DHX29: variants seen among roughly 807,000 people sequenced by gnomAD.
DHX29 encodes the protein ATP-dependent RNA helicase DHX29.
DHX29 carries 79 observed loss-of-function variants against 167.9 expected under a neutral mutation model. That is an observed-to-expected ratio of 0.47 (90% CI 0.39 to 0.57). The LOEUF (loss-of-function observed/expected upper bound fraction) is 0.57, where lower values mean the gene tolerates loss of function less well. Among genes scored for constraint, DHX29 ranks in the 20% least tolerant of loss-of-function variants. DHX29 has a pLI of 0.00. For missense variants in DHX29, 1,347 were observed against 1,593.4 expected, an observed-to-expected ratio of 0.85 and a Z score of 2.63; for synonymous variants, 530 against 546.0, an observed-to-expected ratio of 0.97 and a Z score of 0.41.
At position 55,270,631 on chromosome 5, in the gene DHX29, T is replaced by C. The variant is rs1746808810; in HGVS notation, c.2940A>G (p.Gly980=). The change falls in exon 19 of 27, where the codon GGA becomes GGG. Residue 980 remains glycine, a synonymous_variant. Transcript: ENST00000251636. ...AGCCATCTCTGACCCGCCCAGCTCT[T>C]CCCTGGCGCTGCAAAGCACTGGCTT... ...VSKASALQRQ[G]RAGRVRDGFC... is the part of the protein sequence containing the mutation. 1 of 1,614,076 alleles carries C rather than the reference T, an allele frequency of 6.2e-7. No individual in the cohort carries two copies. Among genetic ancestry groups the C allele is most frequent in the South Asian group, 1.1e-5 (1 of 91,082 alleles).
rs1048763799 is a variant in DHX29 at position 55,261,505 on chromosome 5, T to C, written c.3829-6A>G. The C allele has an allele frequency of 3.9e-6, 6 of 1,533,586 alleles. No homozygotes were observed. Among genetic ancestry groups the C allele is most frequent in the Non-Finnish European group, 5.3e-6 (6 of 1,121,910 alleles). 95.0% of individuals were successfully genotyped at this position (1,533,586 alleles called of 1,614,324 possible). The stretch of plus-strand genomic sequence containing the variant: ...TACACTCTGGCATACCTTATCTACA[T>C]GGGAAAAAGGGGGGAAAATAACTTC... On this transcript the variant is annotated splice_polypyrimidine_tract_variant and splice_region_variant and intron_variant, in intron 24 of 26. Transcript: ENST00000251636.
At chr5:55,306,738 AT>A (rs1192984576) in intron 1 of DHX29, among the ~76,000 whole-genome samples, 1 of 152,248 alleles carries the variant, frequency 6.6e-6, no homozygotes, top group East Asian at 1.9e-4. Flanking sequence ...ACAGAATGTA[AT>A]TGTTCATCTT....
intron 18 of DHX29, among the ~76,000 whole-genome samples, chr5:55,271,696 T>C (rs1418600737): frequency 1.3e-5 from 2 of 152,374 alleles, no homozygotes; most frequent in South Asian, 2.1e-4. Flanking sequence ...AGAGGTTATA[T>C]GTTACATTAC....
At chr5:55,306,397 A>G (rs1194307685) in intron 1 of DHX29, among the ~76,000 whole-genome samples, 2 of 152,134 alleles carry the variant, frequency 1.3e-5, no homozygotes, top group African/African-American at 4.8e-5. Flanking sequence ...TCCTCATCTC[A>G]GCTTAACTGT....
intron 12 of DHX29, among the ~76,000 whole-genome samples, chr5:55,277,581 C>G (rs1747181731): frequency 6.6e-6 from 1 of 152,068 alleles, no homozygotes; most frequent in African/African-American, 2.4e-5. Flanking sequence ...GCTGATAAGG[C>G]TGGGTGCAAC....
Position 55,262,744 on chromosome 5 carries a change from A to T in DHX29, c.3714T>A (p.Asp1238Glu), listed in dbSNP as rs1404769904. Residue 1238 changes from aspartate (D) to glutamate (E), a missense_variant, in exon 24 of 27, where the codon GAT (aspartate) becomes GAA (glutamate). Around this residue, in one of 3 missense-constraint regions of DHX29, gnomAD observed 882 missense variants for 1,082.4 expected, o/e 0.81. Transcript: ENST00000251636. ...CAATGCAAGCCAATTTTTCTGTAAC[A>T]TCCACTGACTTTGTATAGATTATCT... is the stretch of plus-strand genomic sequence containing the variant. ...VGKIIYTKSV[D>E]VTEKLACIVE... 3.1e-6 allele frequency: 5 copies of T among 1,614,062 alleles called. No individual in the cohort carries two copies. In the South Asian group the frequency reaches 4.4e-5, roughly 14 times the overall value.
intron 23 of DHX29, among the ~76,000 whole-genome samples, chr5:55,264,584 T>C (rs4865930): frequency 0.06 from 9,208 of 152,230 alleles, 491 homozygotes; most frequent in Admixed American, 0.12. Context: ...CCATCAAAGA[T>C]TGCTAAGATT....
At chr5:55,276,913 C>T (rs1579777013) in intron 13 of DHX29, among the ~76,000 whole-genome samples, 193 bp downstream of exon 13, 1 of 152,114 alleles carries the variant, frequency 6.6e-6, no homozygotes, top group Admixed American at 6.5e-5. Flanking sequence ...AGTCAATACC[C>T]TCCTTTCTCT....
intron 23 of DHX29, among the ~76,000 whole-genome samples, chr5:55,265,931 T>A (rs1746537118): frequency 6.6e-6 from 1 of 152,180 alleles, no homozygotes; most frequent in African/African-American, 2.4e-5. Context: ...TGTTTGAAAT[T>A]TTTCGTAATT....
intron 21 of DHX29, 140 bp from the exon 22 acceptor site, chr5:55,267,962 A>T (rs1168140794): frequency 2.4e-6 from 1 of 416,060 alleles, no homozygotes; most frequent in African/African-American, 2.1e-5. Context: ...TATGTTTATT[A>T]GTATTATTAT....
rs1748311085 is a variant in DHX29, at chr5:55,296,222, T to A, written c.503A>T (p.Asp168Val). Reference protein sequence around the residue: ...ALDWLCLNLSDDALPEGFSQE... With the variant: ...ALDWLCLNLSVDALPEGFSQE... Reference sequence around the variant, plus strand: ...AAGAATTTAATGATATTGTTTACCATCTGAAAGGTTTAAACAGAGCCAATC... The same window carrying A: ...AAGAATTTAATGATATTGTTTACCAACTGAAAGGTTTAAACAGAGCCAATC... The change falls in exon 4 of 27, where the codon GAT becomes GTT. Residue 168 changes from aspartate to valine, a missense_variant and splice_region_variant. Physicochemically the swap from Asp to Val is radical, Grantham distance 152. Transcript: ENST00000251636. 6.2e-7 allele frequency: 1 copy of A among 1,606,760 alleles called. No homozygotes were observed. The highest frequency in any genetic ancestry group is 1.7e-5 in the Admixed American group (1 of 58,588).
chr5:55,301,098 C>T (rs745888971), intron 1 of DHX29, among the ~76,000 whole-genome samples: 2 of 152,168 alleles, frequency 1.3e-5, no homozygotes, highest in African/African-American at 4.8e-5. Context: ...TCCCTGTGAT[C>T]TCATTTAACC....
Position 55,297,375 on chromosome 5 carries a change from C to T in DHX29, c.285G>A (p.Glu95=), listed in dbSNP as rs762908152. Reference sequence around the variant, plus strand: ...CATTGATCACTCCAATAATTCTTTGCTCTAGTTTGTTATTAATTACCACCT... The same window carrying T: ...CATTGATCACTCCAATAATTCTTTGTTCTAGTTTGTTATTAATTACCACCT... ...ILKVVINNKL[E]QRIIGVINEH... The change falls in exon 3 of 27, where the codon GAG becomes GAA. Residue 95 remains glutamate, a synonymous_variant. Coordinates refer to ENST00000251636, the MANE Select transcript of DHX29 (RefSeq NM_019030.4). 1.3e-6 allele frequency: 2 copies of T among 1,536,818 alleles called. No individual in the cohort carries two copies. The highest frequency in any genetic ancestry group is 2.3e-5 in the East Asian group (1 of 44,208).
chr5:55,285,539 T>A, intron 9 of DHX29, 123 bp from the exon 10 acceptor site: 1 of 1,237,788 alleles, frequency 8.1e-7, no homozygotes, highest in Non-Finnish European at 1.1e-6. Context: ...TGGAAGGCAT[T>A]ATTAGATAAT....
chr5:55,294,767 A>G (rs983297814), intron 5 of DHX29: 1 of 152,586 alleles, frequency 6.6e-6, no homozygotes, highest in African/African-American at 2.4e-5. Context: ...TACAATATGC[A>G]GAGTATTTAA....
intron 6 of DHX29, among the ~76,000 whole-genome samples, chr5:55,292,773 A>G (rs1748115741): frequency 1.3e-5 from 2 of 152,074 alleles, no homozygotes; most frequent in Admixed American, 1.3e-4. Flanking sequence ...CCTTGTTCAC[A>G]CTATTTCACA....
chr5:55,299,777 C>T (rs1029071175), intron 1 of DHX29, among the ~76,000 whole-genome samples: 10 of 152,064 alleles, frequency 6.6e-5, no homozygotes, highest in African/African-American at 2.4e-4. Flanking sequence ...GAGCTTATTT[C>T]CAAACAAGGT....
intron 1 of DHX29, among the ~76,000 whole-genome samples, chr5:55,303,925 T>C (rs1748730293): frequency 6.6e-6 from 1 of 152,220 alleles, no homozygotes; most frequent in South Asian, 2.1e-4. Context: ...ATTTATGACA[T>C]CCATTCCCAA....
chr5:55,300,442 G>T (rs1748541684), intron 1 of DHX29, among the ~76,000 whole-genome samples: 1 of 152,200 alleles, frequency 6.6e-6, no homozygotes, highest in South Asian at 2.1e-4. Context: ...GGACGCGGAG[G>T]CGGGCAGATC....
Sources: allele counts gnomAD v4.1 joint callset (sites outside exome capture counted in the v4.1 genomes callset), GRCh38; gene constraint gnomAD v4.1.1; regional missense constraint gnomAD v4.1.1; transcripts MANE v1.5; gene names NCBI Gene and HGNC (gene_info 2026-07-23, HGNC 2026-07-21).